Variants in CYFIP2 observed in about 807,000 individuals in gnomAD.
CYFIP2 encodes cytoplasmic FMR1 interacting protein 2, also known as cytoplasmic FMR1-interacting protein 2.
Under a neutral mutation model 158.7 loss-of-function variants are expected in CYFIP2, and 29 were observed. The ratio of observed to expected loss-of-function variants is 0.18; its 90% CI spans 0.14 to 0.25. The LOEUF is 0.25. CYFIP2 is among the 10% of genes least tolerant of loss of function. The pLI is 1.00. For synonymous variants in CYFIP2, 585 were observed against 617.6 expected, an observed-to-expected ratio of 0.95 and a Z score of 0.78; for missense variants, 852 against 1,639.5, an observed-to-expected ratio of 0.52 and a Z score of 8.29.
At chr5:157,282,563 C>G (rs1385700483) in intron 1 of CYFIP2, among the ~76,000 whole-genome samples, 5 of 152,140 alleles carry the variant, frequency 3.3e-5, no homozygotes, top group Admixed American at 6.5e-5. Flanking sequence ...TGTGAATGGC[C>G]TTGTGCATAT....
chr5:157,333,493 A>T, intron 21 of CYFIP2, 47 bp downstream of exon 21: 2 of 1,613,456 alleles, frequency 1.2e-6, no homozygotes, highest in Non-Finnish European at 1.7e-6. Context: ...GATTTCTCAG[A>T]CTAGAAGCCT....
chr5:157,352,315 C>T (rs1018933303), intron 23 of CYFIP2, among the ~76,000 whole-genome samples: 2 of 152,186 alleles, frequency 1.3e-5, no homozygotes, highest in African/African-American at 4.8e-5. Context: ...CTTGTTAAAT[C>T]ATATCCTTAG....
Position 157,273,917 on chromosome 5 carries a change from C to T in CYFIP2, c.-24+7722C>T, listed in dbSNP as rs368113817. Among the ~76,000 whole-genome samples, 11 of 152,116 alleles carry T rather than the reference C, an allele frequency of 7.2e-5. 1 individual carries two copies. The highest frequency in any genetic ancestry group is 6.5e-4 in the Admixed American group (10 of 15,278). On this transcript the variant is annotated intron_variant, in intron 1 of 30. Transcript: ENST00000620254. Reference sequence around the variant, plus strand: ...TGGGAGGTCAAGGTGGGTGGATCACCTGAGGTCAGGAGTTTGAGACCAGCC... The same window carrying T: ...TGGGAGGTCAAGGTGGGTGGATCACTTGAGGTCAGGAGTTTGAGACCAGCC...
At chr5:157,346,029 C>T (rs550230441) in intron 23 of CYFIP2, among the ~76,000 whole-genome samples, 1 of 152,204 alleles carries the variant, frequency 6.6e-6, no homozygotes, top group Non-Finnish European at 1.5e-5. Context: ...CACCCCTACA[C>T]TTCCCCATCC....
intron 1 of CYFIP2, among the ~76,000 whole-genome samples, chr5:157,283,560 A>G (rs1008353709): frequency 6.6e-6 from 1 of 152,176 alleles, no homozygotes; most frequent in Non-Finnish European, 1.5e-5. Context: ...TGAAACCACC[A>G]TAGGAGACCA....
At chr5:157,345,150 C>T (rs1388890192) in intron 23 of CYFIP2, among the ~76,000 whole-genome samples, 1 of 152,214 alleles carries the variant, frequency 6.6e-6, no homozygotes, top group Non-Finnish European at 1.5e-5. Context: ...TCATCCTCCC[C>T]ACACCACACA....
At chr5:157,285,526 T>A (rs1757304293) in intron 2 of CYFIP2, 48 bp downstream of exon 2, 1 of 1,511,952 alleles carries the variant, frequency 6.6e-7, no homozygotes, top group African/African-American at 1.4e-5. Context: ...ATTCTGGGGA[T>A]CCCCTAAGAG....
chr5:157,338,320 C>T (rs147809207), intron 21 of CYFIP2, among the ~76,000 whole-genome samples: 235 of 152,342 alleles, frequency 1.5e-3, no homozygotes, highest in Non-Finnish European at 3.0e-3. Context: ...CTTGTAGCCA[C>T]GCCTTTGCCA....
intron 28 of CYFIP2, chr5:157,384,436 C>CA: frequency 2.2e-6 from 1 of 456,818 alleles, no homozygotes; most frequent in Non-Finnish European, 4.4e-6. Context: ...TTTGAACTCG[C>CA]ATTCCGGCGG....
At chr5:157,364,059 C>T (rs1301900735) in intron 26 of CYFIP2, 1 of 152,086 alleles carries the variant, frequency 6.6e-6, no homozygotes, top group Non-Finnish European at 1.5e-5. Flanking sequence ...AATGGACTCT[C>T]CAGACAGCTA....
At chr5:157,282,542 A>G (rs1288042239) in intron 1 of CYFIP2, among the ~76,000 whole-genome samples, 1 of 152,240 alleles carries the variant, frequency 6.6e-6, no homozygotes, top group African/African-American at 2.4e-5. Flanking sequence ...TGCTATCACA[A>G]GTAGTCCTGC....
At chr5:157,379,922 C>T (rs995857410) in intron 26 of CYFIP2, 4 of 152,002 alleles carry the variant, frequency 2.6e-5, no homozygotes, top group Non-Finnish European at 4.4e-5. Flanking sequence ...AATCAGTCTC[C>T]TTGAGCATTC....
intron 1 of CYFIP2, among the ~76,000 whole-genome samples, chr5:157,275,700 A>AT (rs1432543475): frequency 1.3e-5 from 2 of 152,170 alleles, no homozygotes; most frequent in Non-Finnish European, 2.9e-5. Context: ...ACCAGATGAG[A>AT]TTTTCATAGA....
At chr5:157,353,716 T>C (rs1763228404) in intron 23 of CYFIP2, among the ~76,000 whole-genome samples, 1 of 152,218 alleles carries the variant, frequency 6.6e-6, no homozygotes, top group Non-Finnish European at 1.5e-5. Context: ...GCTGCAGCCA[T>C]TCCACCTAAA....
At chr5:157,300,326 C>G (rs542934418) in intron 5 of CYFIP2, among the ~76,000 whole-genome samples, 6 of 151,790 alleles carry the variant, frequency 4.0e-5, no homozygotes, top group Admixed American at 2.0e-4. Context: ...CACAAGGTCA[C>G]GAGATTGAGA....
chr5:157,287,856 G>C (rs1269091457), intron 3 of CYFIP2, among the ~76,000 whole-genome samples: 1 of 152,206 alleles, frequency 6.6e-6, no homozygotes, highest in Non-Finnish European at 1.5e-5. Context: ...ACTTTGGGAG[G>C]CTGAGGTAGG....
chr5:157,339,784 A>G (rs1024047954), intron 22 of CYFIP2, among the ~76,000 whole-genome samples: 1 of 152,232 alleles, frequency 6.6e-6, no homozygotes, highest in Non-Finnish European at 1.5e-5. Flanking sequence ...ATGACTAGGA[A>G]TAAATAAGGC....
chr5:157,288,802 A>C (rs1203276482), intron 3 of CYFIP2: 1 of 340,720 alleles, frequency 2.9e-6, no homozygotes, highest in African/African-American at 2.2e-5. Flanking sequence ...GCTCCAGACT[A>C]TGCCTTGCAG....
intron 26 of CYFIP2, among the ~76,000 whole-genome samples, chr5:157,366,717 A>G (rs573742806): frequency 1.3e-5 from 2 of 152,320 alleles, no homozygotes; most frequent in Non-Finnish European, 2.9e-5. Context: ...GAAACAAATC[A>G]GCATTTGTTA....
Sources: gnomAD v4.1 joint callset for allele counts (sites outside exome capture counted in the v4.1 genomes callset) on GRCh38, gnomAD v4.1.1 for gene constraint, MANE v1.5 for transcripts, NCBI Gene and HGNC (gene_info 2026-07-23, HGNC 2026-07-21) for gene names.